Variants in KALRN observed in about 807,000 individuals in gnomAD.
KALRN encodes kalirin.
KALRN carries 70 observed loss-of-function variants against 353.7 expected under a neutral mutation model. That is an observed-to-expected ratio of 0.20 (90% CI 0.16 to 0.24). The LOEUF (loss-of-function observed/expected upper bound fraction) is 0.24. Ranked by LOEUF, KALRN falls within the 10% of genes least tolerant of loss-of-function variation. The pLI is 1.00. For synonymous variants in KALRN, 1,391 were observed against 1,434.8 expected (o/e 0.97, Z 0.69); for missense variants, 2,791 against 3,756.7 (o/e 0.74, Z 6.72).
intron 1 of KALRN, among the ~76,000 whole-genome samples, chr3:124,076,220 CAG>C (rs2060251540): frequency 6.6e-6 from 1 of 152,174 alleles, no homozygotes; most frequent in Non-Finnish European, 1.5e-5. Flanking sequence ...GCAGGAGATG[CAG>C]ACCCAAGGGA....
Position 124,491,325 on chromosome 3 carries a change from C to T in KALRN, c.4590C>T (p.Thr1530=). Residue 1530 remains threonine (T), a splice_region_variant and synonymous_variant, in exon 31 of 60, where the codon ACC becomes ACT. Transcript: ENST00000682506. ...TCATAGGCATTTCCTGTCTACAGACCTCAGAGCTGGGTGTGACCGAGCACG... is the reference window on the plus strand; with the variant it reads ...TCATAGGCATTTCCTGTCTACAGACTTCAGAGCTGGGTGTGACCGAGCACG... ...TKYVYKNKLL[T]SELGVTEHVE... The T allele has an allele frequency of 2.5e-6, 4 of 1,599,448 alleles. No homozygotes were observed. The highest frequency in any genetic ancestry group is 2.6e-6 in the Non-Finnish European group (3 of 1,172,430).
chr3:124,505,055 AGTG>A (rs777530491), intron 33 of KALRN: 44 of 465,320 alleles, frequency 9.5e-5, no homozygotes, highest in Non-Finnish European at 1.8e-4. Context: ...CAGGTAGAGA[AGTG>A]GTGGCTTTCA....
At chr3:124,200,394 C>T (rs1469936684) in intron 1 of KALRN, among the ~76,000 whole-genome samples, 1 of 152,180 alleles carries the variant, frequency 6.6e-6, no homozygotes, top group African/African-American at 2.4e-5. Context: ...CCTGCAGATT[C>T]AGTGTCTGGC....
intron 38 of KALRN, 131 bp from the exon 39 acceptor site, chr3:124,655,470 C>T: frequency 1.5e-6 from 1 of 674,614 alleles, no homozygotes; most frequent in Non-Finnish European, 2.7e-6. Flanking sequence ...GCATCTTTCC[C>T]AGGAGATAAG....
intron 33 of KALRN, among the ~76,000 whole-genome samples, chr3:124,510,333 G>A (rs2065762588): frequency 6.6e-6 from 1 of 152,146 alleles, no homozygotes; most frequent in African/African-American, 2.4e-5. Flanking sequence ...TGAGGGGTAA[G>A]GGAGAAAGGA....
intron 1 of KALRN, among the ~76,000 whole-genome samples, chr3:124,103,357 A>G (rs1450630016): frequency 2.0e-5 from 3 of 152,142 alleles, no homozygotes; most frequent in Non-Finnish European, 2.9e-5. Context: ...ATGTCCTCCC[A>G]GGGCCTGTTC....
intron 1 of KALRN, among the ~76,000 whole-genome samples, chr3:124,213,291 C>T (rs1419794016): frequency 6.6e-6 from 1 of 152,022 alleles, no homozygotes; most frequent in Non-Finnish European, 1.5e-5. Flanking sequence ...TTTCCAGTGC[C>T]ATTTATTGAC....
intron 7 of KALRN, among the ~76,000 whole-genome samples, chr3:124,328,426 CCA>C (rs1159284803): frequency 6.6e-6 from 1 of 152,138 alleles, no homozygotes; most frequent in African/African-American, 2.4e-5. Flanking sequence ...ATGCTACAGG[CCA>C]CCTGTTAGAA....
chr3:124,642,806 G>GTTTTTTTTTTGTTGTTGTTGTTT lies in KALRN; in HGVS notation c.5664+5513_5664+5514insGTTGTTGTTGTTTTTTTTTTTTT, dbSNP rs1553707031. Reference sequence around the variant, plus strand: ...TCTGTGGAAGAGATTCCCAAGCCTCGTTTTTTTTTTTTTTTTTTTTGAGAC... The same window carrying GTTTTTTTTTTGTTGTTGTTGTTT: ...TCTGTGGAAGAGATTCCCAAGCCTCGTTTTTTTTTTGTTGTTGTTGTTTTTTTTTTTTTTTTTTTTTTTGAGAC... On this transcript the variant is annotated intron_variant, in intron 37 of 59. Transcript: ENST00000682506. 4.2e-3 allele frequency among the ~76,000 whole-genome samples: 409 copies of GTTTTTTTTTTGTTGTTGTTGTTT among 96,762 alleles called. 14 individuals are homozygous for GTTTTTTTTTTGTTGTTGTTGTTT. Among genetic ancestry groups the GTTTTTTTTTTGTTGTTGTTGTTT allele is most frequent in the African/African-American group, 0.018 (391 of 22,254 alleles). The allele number at this position is 96,762 out of a possible 152,430, so 63.5% of individuals were successfully genotyped here. A position where few individuals can be genotyped will look rare whatever the true frequency, so the allele number is the denominator to read the frequency against.
chr3:124,584,896 C>T, intron 34 of KALRN: 2 of 1,603,498 alleles, frequency 1.2e-6, no homozygotes, highest in South Asian at 1.1e-5. Context: ...GCTGTTGCTT[C>T]CCGTGTAGAG....
chr3:124,077,222 T>G (rs575792770), intron 1 of KALRN, among the ~76,000 whole-genome samples: 16 of 152,296 alleles, frequency 1.1e-4, no homozygotes, highest in Middle Eastern at 3.4e-3. Flanking sequence ...CATGGTTGTG[T>G]GATGTCTCAT....
chr3:124,165,999 G>A (rs1054785185), intron 1 of KALRN, among the ~76,000 whole-genome samples: 1 of 152,038 alleles, frequency 6.6e-6, no homozygotes, highest in Admixed American at 6.6e-5. Flanking sequence ...TGCACAAGTG[G>A]CTCCTCTGCC....
chr3:124,527,112 G>A (rs1272544021), intron 33 of KALRN, among the ~76,000 whole-genome samples: 1 of 152,170 alleles, frequency 6.6e-6, no homozygotes, highest in African/African-American at 2.4e-5. Context: ...AGGGAGTGCA[G>A]GAGATGAGGA....
intron 10 of KALRN, among the ~76,000 whole-genome samples, chr3:124,361,444 T>C (rs930866031): frequency 1.3e-5 from 2 of 152,242 alleles, no homozygotes; most frequent in African/African-American, 4.8e-5. Flanking sequence ...CCAGTTTTTC[T>C]CATTTAATGA....
intron 25 of KALRN, among the ~76,000 whole-genome samples, chr3:124,470,809 T>C (rs6770075): frequency 0.43 from 65,089 of 152,090 alleles, 14,419 homozygotes; most frequent in Middle Eastern, 0.58. Context: ...GCCCCAAAAG[T>C]GCTGCAAGCA....
chr3:124,618,981 T>TA (rs2078965380), intron 34 of KALRN, among the ~76,000 whole-genome samples: 1 of 152,228 alleles, frequency 6.6e-6, no homozygotes, highest in Non-Finnish European at 1.5e-5. Context: ...TTATGGTATA[T>TA]ATCTTAGGTA....
intron 1 of KALRN, among the ~76,000 whole-genome samples, chr3:124,112,858 G>T (rs2063116267): frequency 6.6e-6 from 1 of 152,068 alleles, no homozygotes; most frequent in Admixed American, 6.5e-5. Flanking sequence ...GGGACAAGTA[G>T]GGTAAAAGTG....
intron 11 of KALRN, among the ~76,000 whole-genome samples, chr3:124,386,311 A>G (rs1168746964): frequency 1.3e-5 from 2 of 152,134 alleles, no homozygotes; most frequent in African/African-American, 4.8e-5. Flanking sequence ...CAGAAACCAA[A>G]GCCATGTGTA....
At position 124,152,529 on chromosome 3, in the gene KALRN, CT is replaced by C. The variant is rs772180786; in HGVS notation, c.74-75457del. On this transcript the variant is annotated intron_variant, in intron 1 of 59. Transcript: ENST00000682506. ...TCTGCCTATATTCCTTGTTACAGTG[CT>C]TTTCTTTTTCTTTTTCTTTTTCTTT... 1.1e-3 allele frequency: 785 copies of C among 699,050 alleles called. 1 individual carries two copies. Among genetic ancestry groups the C allele is most frequent in the Non-Finnish European group, 1.6e-3 (628 of 395,850 alleles). 43.3% of individuals were successfully genotyped at this position (699,050 alleles called of 1,614,324 possible).
Sources: allele counts gnomAD v4.1 joint callset (sites outside exome capture counted in the v4.1 genomes callset), GRCh38; gene constraint gnomAD v4.1.1; transcripts MANE v1.5; gene names NCBI Gene and HGNC (gene_info 2026-07-23, HGNC 2026-07-21).